The following STK40 variants were observed in gnomAD, a reference collection of about 807,000 sequenced individuals.
The protein encoded by STK40 is serine/threonine-protein kinase 40.
In STK40, 13 loss-of-function variants were observed where a neutral mutation model predicts 47.9. The observed-to-expected ratio is 0.27, with a 90% confidence interval of 0.18 to 0.43. STK40 has a LOEUF of 0.43. STK40 is among the 20% of genes least tolerant of loss of function. The pLI is 1.00. For synonymous variants in STK40, 225 were observed against 243.2 expected, an observed-to-expected ratio of 0.93 and a Z score of 0.69; for missense variants, 460 against 595.1, an observed-to-expected ratio of 0.77 and a Z score of 2.36.
chr1:36,342,189 GCGGACC>G lies in STK40; in HGVS notation c.1090-222_1090-217del, dbSNP rs1646655494. On this transcript the variant is annotated intron_variant, in intron 10 of 10. Coordinates refer to ENST00000373132, the MANE Select transcript of STK40 (RefSeq NM_001282547.2). ...CTCAACTCCCCTTGCAGGCCGCCCT[GCGGACC>G]CGGGACTGACGCAGACTCATGCTTC... The G allele has an allele frequency of 5.7e-5, 33 of 581,172 alleles. No individual in the cohort carries two copies. In the South Asian group the frequency reaches 6.2e-4, roughly 11 times the overall value. 36.0% of individuals were successfully genotyped at this position (581,172 alleles called of 1,614,324 possible).
rs1404216071 is a variant in STK40 at position 36,355,341 on chromosome 1, A to G, written c.435T>C (p.Cys145=). The change falls in exon 5 of 11, where the codon TGT becomes TGC. Residue 145 remains cysteine (C), a synonymous_variant. Coordinates refer to ENST00000373132, the MANE Select transcript of STK40 (RefSeq NM_001282547.2). ...KRICLVLDCL[C]AHDFSDKTAD... is the part of the protein sequence containing the mutation. ...CGGTCTTATCGCTGAAGTCATGAGC[A>G]CAGAGGCAGTCCAGGACGAGGCAGA... 3.7e-6 allele frequency: 6 copies of G among 1,614,086 alleles called. No homozygotes were observed. Among genetic ancestry groups the G allele is most frequent in the African/African-American group, 1.3e-5 (1 of 74,942 alleles).
intron 1 of STK40, among the ~76,000 whole-genome samples, chr1:36,369,279 C>T (rs1029403438): frequency 1.3e-5 from 2 of 152,138 alleles, no homozygotes; most frequent in Non-Finnish European, 2.9e-5. Flanking sequence ...CCCTGCTCTC[C>T]TCAGGCTGAT....
intron 1 of STK40, among the ~76,000 whole-genome samples, chr1:36,368,968 G>A (rs140612303): frequency 6.6e-6 from 1 of 152,280 alleles, no homozygotes; most frequent in Non-Finnish European, 1.5e-5. Flanking sequence ...AGGCAGAGGA[G>A]AAAATCCAGC....
At chr1:36,358,680 T>C in intron 3 of STK40, 57 bp downstream of exon 3, 1 of 1,561,794 alleles carries the variant, frequency 6.4e-7, no homozygotes. Flanking sequence ...GAGGGAGGAG[T>C]GGGTTGGCAT....
intron 1 of STK40, among the ~76,000 whole-genome samples, chr1:36,371,695 A>AC (rs1380191023): frequency 3.4e-5 from 5 of 146,092 alleles, no homozygotes; most frequent in Non-Finnish European, 7.5e-5. Context: ...CAAAAAAAAA[A>AC]AAAAAAAAAA....
chr1:36,380,844 A>G (rs1278757919), intron 1 of STK40, among the ~76,000 whole-genome samples: 1 of 152,214 alleles, frequency 6.6e-6, no homozygotes, highest in East Asian at 1.9e-4. Flanking sequence ...GCCCAAGTCC[A>G]GACAGGGGTC....
chr1:36,375,497 ACT>A (rs1440367268), intron 1 of STK40, among the ~76,000 whole-genome samples: 2 of 148,288 alleles, frequency 1.3e-5, no homozygotes, highest in Non-Finnish European at 3.0e-5. Flanking sequence ...ACAGAGCGAG[ACT>A]CTGTCTCAAA....
chr1:36,378,858 T>C (rs1034965801), intron 1 of STK40, among the ~76,000 whole-genome samples: 3 of 152,168 alleles, frequency 2.0e-5, no homozygotes, highest in African/African-American at 4.8e-5. Context: ...AACTCAGTAA[T>C]GCTGGAAGCG....
chr1:36,365,242 G>A (rs915957020), intron 1 of STK40, among the ~76,000 whole-genome samples: 2 of 152,108 alleles, frequency 1.3e-5, no homozygotes, highest in East Asian at 1.9e-4. Context: ...CGCCCGCCTC[G>A]GCCTCCCAAA....
chr1:36,370,461 T>C (rs540721197), intron 1 of STK40, among the ~76,000 whole-genome samples: 1 of 152,338 alleles, frequency 6.6e-6, no homozygotes, highest in South Asian at 2.1e-4. Context: ...AAAAGAGAAC[T>C]TCTGGCCTAA....
rs149383494 is a variant in STK40 at position 36,354,022 on chromosome 1, C to A, written c.623+342G>T. ...TCAAGTGATCCTCCCGCCTCAGCCTCCCAAAGTGCTGGGATTACAGGCGGG... is the reference window on the plus strand; with the variant it reads ...TCAAGTGATCCTCCCGCCTCAGCCTACCAAAGTGCTGGGATTACAGGCGGG... On this transcript the variant is annotated intron_variant, in intron 6 of 10. Coordinates refer to ENST00000373132, the MANE Select transcript of STK40 (RefSeq NM_001282547.2). Among the ~76,000 whole-genome samples, 161 of 152,318 alleles carry A rather than the reference C, an allele frequency of 1.1e-3. 2 individuals are homozygous for A. In the East Asian group the frequency reaches 0.03, roughly 29 times the overall value.
chr1:36,342,205 C>T (rs1042550297), intron 10 of STK40: 8 of 562,836 alleles, frequency 1.4e-5, no homozygotes, highest in East Asian at 3.0e-5. Flanking sequence ...CCGGGACTGA[C>T]GCAGACTCAT....
intron 1 of STK40, among the ~76,000 whole-genome samples, chr1:36,381,800 T>C (rs1280113153): frequency 6.6e-6 from 1 of 152,038 alleles, no homozygotes; most frequent in Non-Finnish European, 1.5e-5. Context: ...CAGTTCAAGT[T>C]CTAAGGGCTC....
chr1:36,345,991 A>ATATAT, intron 7 of STK40, among the ~76,000 whole-genome samples: 795 of 26,506 alleles, frequency 0.03, 58 homozygotes, highest in Middle Eastern at 0.1. Flanking sequence ...ATATATATAT[A>ATATAT]TTTTTTTTTT....
chr1:36,376,928 A>G (rs1382565464), intron 1 of STK40, among the ~76,000 whole-genome samples: 1 of 151,306 alleles, frequency 6.6e-6, no homozygotes, highest in Non-Finnish European at 1.5e-5. Context: ...GGTGCTCACC[A>G]CCACACCTGG....
intron 4 of STK40, among the ~76,000 whole-genome samples, chr1:36,357,213 T>C (rs1367297400): frequency 6.6e-6 from 1 of 152,208 alleles, no homozygotes; most frequent in African/African-American, 2.4e-5. Flanking sequence ...AGATGGGGAA[T>C]CTGAGGCCTA....
chr1:36,354,735 G>A (rs188644007), intron 5 of STK40, among the ~76,000 whole-genome samples: 1 of 152,160 alleles, frequency 6.6e-6, no homozygotes, highest in Non-Finnish European at 1.5e-5. Context: ...TGGACAGGAT[G>A]GATCTGGGGG....
intron 9 of STK40, 85 bp downstream of exon 9, chr1:36,343,775 C>G (rs1646675085): frequency 6.7e-7 from 1 of 1,503,640 alleles, no homozygotes; most frequent in African/African-American, 1.4e-5. Context: ...GAGAAGCAGG[C>G]TGACTACTGG....
At chr1:36,358,929 G>C in intron 2 of STK40, 107 bp from the exon 3 acceptor site, 1 of 1,262,098 alleles carries the variant, frequency 7.9e-7, no homozygotes, top group East Asian at 2.4e-5. Flanking sequence ...GGGCACCATA[G>C]CTCATGTGTA....
Sources: gnomAD v4.1 joint callset for allele counts (sites outside exome capture counted in the v4.1 genomes callset) on GRCh38, gnomAD v4.1.1 for gene constraint, MANE v1.5 for transcripts, NCBI Gene and HGNC (gene_info 2026-07-23, HGNC 2026-07-21) for gene names.